The following CHP1 variants were observed in gnomAD, a reference collection of about 807,000 sequenced individuals.
The protein encoded by CHP1 is calcineurin like EF-hand protein 1, also known as calcineurin B homologous protein 1.
In CHP1, 11 loss-of-function variants were observed where a neutral mutation model predicts 27.4. That is an observed-to-expected ratio of 0.40 (90% CI 0.25 to 0.67). The LOEUF (loss-of-function observed/expected upper bound fraction) is 0.67, where lower values mean the gene tolerates loss of function less well. Among genes scored for constraint, CHP1 ranks in the 30% least tolerant of loss-of-function variants. The probability of loss-of-function intolerance (pLI) is 0.38; values close to 1 mark genes in which losing one functional copy is unlikely to be tolerated. For synonymous variants in CHP1, 89 were observed against 87.4 expected (o/e 1.02, Z -0.10); for missense variants, 169 against 251.3 (o/e 0.67, Z 2.22).
At chr15:41,242,323 A>T (rs557678824) in intron 1 of CHP1, among the ~76,000 whole-genome samples, 6 of 152,174 alleles carry the variant, frequency 3.9e-5, no homozygotes, top group Admixed American at 1.3e-4. Flanking sequence ...TTTAAAATAG[A>T]ATCTGTTTGA....
In CHP1 at chr15:41,253,555, T is replaced by C. The variant is rs187807459; in HGVS notation, c.141-3355T>C. Among the ~76,000 whole-genome samples, 203 of 151,476 alleles carry C rather than the reference T, an allele frequency of 1.3e-3. 2 individuals are homozygous for C. The highest frequency in any genetic ancestry group is 4.7e-3 in the African/African-American group (194 of 41,328). The stretch of plus-strand genomic sequence containing the variant: ...CTGCAACCTCCACCTCCCAGGTTCA[T>C]GCCATTCTCCTGCCTCAGTCTCCCG... On this transcript the variant is annotated intron_variant, in intron 2 of 6. Transcript: ENST00000334660.
intron 4 of CHP1, among the ~76,000 whole-genome samples, chr15:41,263,434 C>T (rs913487302): frequency 6.6e-6 from 1 of 152,168 alleles, no homozygotes; most frequent in Non-Finnish European, 1.5e-5. Context: ...GTGTCTCATG[C>T]CTCTTTTCCT....
intron 3 of CHP1, among the ~76,000 whole-genome samples, chr15:41,260,148 G>A (rs146987793): frequency 3.3e-5 from 5 of 151,978 alleles, no homozygotes; most frequent in East Asian, 3.9e-4. Flanking sequence ...TCAGCTATTC[G>A]GTGGGGCACA....
At chr15:41,274,194 T>C (rs888282152) in intron 5 of CHP1, among the ~76,000 whole-genome samples, 3 of 151,880 alleles carry the variant, frequency 2.0e-5, no homozygotes, top group African/African-American at 7.3e-5. Flanking sequence ...CTCCTGACCT[T>C]GTGATCAGCC....
At chr15:41,271,209 C>T (rs2047487676) in intron 5 of CHP1, among the ~76,000 whole-genome samples, 1 of 147,082 alleles carries the variant, frequency 6.8e-6, no homozygotes, top group Admixed American at 6.9e-5. Flanking sequence ...GAGCAGAGCT[C>T]ACTCCACTGC....
chr15:41,275,913 C>T (rs1007816790), intron 5 of CHP1, among the ~76,000 whole-genome samples: 2 of 152,080 alleles, frequency 1.3e-5, no homozygotes, highest in African/African-American at 2.4e-5. Context: ...TGGGGTTTCT[C>T]CACCATGCCC....
At chr15:41,232,419 C>T (rs1298279220) in intron 1 of CHP1, among the ~76,000 whole-genome samples, 6 of 151,852 alleles carry the variant, frequency 4.0e-5, no homozygotes, top group African/African-American at 1.5e-4. Context: ...CTATGTTGGC[C>T]CGGCTGGCCT....
intron 4 of CHP1, chr15:41,264,296 AG>A: frequency 1.1e-6 from 1 of 928,634 alleles, no homozygotes; most frequent in South Asian, 1.6e-5. Flanking sequence ...AGTGCCGAGG[AG>A]ATTAGGCTAA....
At chr15:41,239,643 G>A (rs1009283888) in intron 1 of CHP1, among the ~76,000 whole-genome samples, 1 of 152,026 alleles carries the variant, frequency 6.6e-6, no homozygotes, top group African/African-American at 2.4e-5. Context: ...TGATCTGCCC[G>A]CCCTCAGCCC....
At chr15:41,255,058 G>A (rs1178758520) in intron 2 of CHP1, among the ~76,000 whole-genome samples, 2 of 152,112 alleles carry the variant, frequency 1.3e-5, no homozygotes, top group Non-Finnish European at 2.9e-5. Flanking sequence ...CCTATAGAAA[G>A]GACATTCTCA....
At chr15:41,232,629 A>G (rs1289718875) in intron 1 of CHP1, among the ~76,000 whole-genome samples, 3 of 152,178 alleles carry the variant, frequency 2.0e-5, no homozygotes, top group African/African-American at 7.2e-5. Context: ...AGTCCTTGAT[A>G]ATGCAATGTA....
At chr15:41,262,969 C>A in intron 4 of CHP1, 86 bp downstream of exon 4, 1 of 1,526,214 alleles carries the variant, frequency 6.6e-7, no homozygotes, top group South Asian at 1.2e-5. Flanking sequence ...TTTGAACAAG[C>A]ATCTACAAGA....
intron 2 of CHP1, among the ~76,000 whole-genome samples, chr15:41,244,366 A>G (rs2047322883): frequency 6.6e-6 from 1 of 151,968 alleles, no homozygotes; most frequent in Non-Finnish European, 1.5e-5. Flanking sequence ...TTTCCCAAAC[A>G]TTGGCTTTTA....
At chr15:41,240,168 TTTTA>T (rs1380403346) in intron 1 of CHP1, among the ~76,000 whole-genome samples, 2 of 152,102 alleles carry the variant, frequency 1.3e-5, no homozygotes, top group Non-Finnish European at 2.9e-5. Context: ...TTTAAAATAA[TTTTA>T]TTTTTTATTT....
intron 1 of CHP1, among the ~76,000 whole-genome samples, chr15:41,234,746 C>G (rs2047268240): frequency 6.6e-6 from 1 of 152,278 alleles, no homozygotes; most frequent in Middle Eastern, 3.4e-3. Flanking sequence ...ATTATGCAAA[C>G]TACTTAGAAT....
intron 3 of CHP1, 60 bp from the exon 4 acceptor site, chr15:41,262,696 T>G: frequency 1.9e-6 from 3 of 1,598,338 alleles, no homozygotes; most frequent in Non-Finnish European, 2.6e-6. Flanking sequence ...GTATATTTAA[T>G]TCATAAGAAA....
intron 5 of CHP1, among the ~76,000 whole-genome samples, chr15:41,271,082 T>C (rs963261716): frequency 2.6e-5 from 4 of 151,854 alleles, no homozygotes; most frequent in Admixed American, 6.6e-5. Context: ...GGTGAAACCC[T>C]GTCTCTACTA....
intron 2 of CHP1, among the ~76,000 whole-genome samples, chr15:41,243,953 A>G (rs1204101527): frequency 1.3e-5 from 2 of 152,140 alleles, no homozygotes; most frequent in Non-Finnish European, 2.9e-5. Context: ...TAATCCCAGC[A>G]CTTTGGGAGG....
Position 41,280,518 on chromosome 15 carries a change from T to A in CHP1, c.*1129T>A, listed in dbSNP as rs2047540212. 7.1e-6 allele frequency: 1 copy of A among 140,910 alleles called. No homozygotes were observed. Among genetic ancestry groups the A allele is most frequent in the Admixed American group, 7.2e-5 (1 of 13,802 alleles). The allele number at this position is 140,910 out of a possible 1,614,324, so 8.7% of individuals were successfully genotyped here. A position where few individuals can be genotyped will look rare whatever the true frequency, so the allele number is the denominator to read the frequency against. ...ATCCCAGTCCAAATTTTTTTTTTTTTTTTTTTTTTTTTTTGAGACAGAGTC... is the reference window on the plus strand; with the variant it reads ...ATCCCAGTCCAAATTTTTTTTTTTTATTTTTTTTTTTTTTGAGACAGAGTC... On this transcript the variant is annotated 3_prime_UTR_variant, in exon 7 of 7. Coordinates refer to ENST00000334660, the MANE Select transcript of CHP1 (RefSeq NM_007236.5).
Sources: gnomAD v4.1 joint callset for allele counts (sites outside exome capture counted in the v4.1 genomes callset) on GRCh38, gnomAD v4.1.1 for gene constraint, MANE v1.5 for transcripts, NCBI Gene and HGNC (gene_info 2026-07-23, HGNC 2026-07-21) for gene names.